GPHN: variants seen among roughly 807,000 people sequenced by gnomAD.
GPHN encodes gephyrin.
A neutral mutation model predicts 95.5 loss-of-function variants in GPHN; 17 were observed. The ratio of observed to expected loss-of-function variants is 0.18; its 90% CI spans 0.12 to 0.27. GPHN has a LOEUF of 0.27. GPHN is among the 10% of genes least tolerant of loss of function. The pLI is 1.00. For synonymous variants in GPHN, 320 were observed against 322.5 expected, an observed-to-expected ratio of 0.99 and a Z score of 0.08; for missense variants, 660 against 978.1, an observed-to-expected ratio of 0.67 and a Z score of 4.34.
the GPHN span, among the ~76,000 whole-genome samples, chr14:67,707,126 C>T: frequency 2.0e-5 from 3 of 151,930 alleles, no homozygotes; most frequent in Admixed American, 1.3e-4. Context: ...CAGAGCTTTA[C>T]GAAAGCACAA....
the GPHN span, among the ~76,000 whole-genome samples, chr14:67,538,503 ATTTT>A: frequency 1.3e-5 from 2 of 152,206 alleles, no homozygotes; most frequent in Non-Finnish European, 2.9e-5. Flanking sequence ...ATCCTTGTGC[ATTTT>A]TATGGGAGGT....
At chr14:67,242,702 A>G in the GPHN span, among the ~76,000 whole-genome samples, 1 of 151,974 alleles carries the variant, frequency 6.6e-6, no homozygotes, top group African/African-American at 2.4e-5. Context: ...TTGCGGCAGG[A>G]TGAGCTATTA....
chr14:66,672,038 TATTA>T (rs2066328513), intron 1 of GPHN, among the ~76,000 whole-genome samples: 1 of 152,126 alleles, frequency 6.6e-6, no homozygotes, highest in Non-Finnish European at 1.5e-5. Flanking sequence ...AGGCTTAGAT[TATTA>T]ATTTTAAATC....
intron 1 of GPHN, among the ~76,000 whole-genome samples, chr14:66,586,890 A>G (rs1180642898): frequency 6.6e-6 from 1 of 152,226 alleles, no homozygotes; most frequent in African/African-American, 2.4e-5. Flanking sequence ...TAGCAAAGAA[A>G]AAAACAAAGG....
chr14:66,972,963 A>T (rs2069922073), intron 9 of GPHN, among the ~76,000 whole-genome samples: 1 of 152,178 alleles, frequency 6.6e-6, no homozygotes, highest in South Asian at 2.1e-4. Flanking sequence ...AAAAAGGCAA[A>T]TAATGTCTGA....
At chr14:66,670,146 G>A (rs1358573791) in intron 1 of GPHN, among the ~76,000 whole-genome samples, 1 of 152,118 alleles carries the variant, frequency 6.6e-6, no homozygotes, top group East Asian at 1.9e-4. Context: ...TGGGAGTCGG[G>A]TTTTTTACTT....
chr14:66,996,089 G>T, intron 9 of GPHN: 1 of 821,826 alleles, frequency 1.2e-6, no homozygotes, highest in South Asian at 1.4e-5. Context: ...AAGTGTGTTG[G>T]TGATGGAGCC....
the GPHN span, among the ~76,000 whole-genome samples, chr14:67,331,235 G>A: frequency 5.3e-5 from 8 of 152,048 alleles, no homozygotes; most frequent in Non-Finnish European, 8.8e-5. Flanking sequence ...AATAGAGACG[G>A]GGTTTTGCCC....
chr14:67,519,274 A>T, the GPHN span, among the ~76,000 whole-genome samples: 1 of 152,354 alleles, frequency 6.6e-6, no homozygotes, highest in South Asian at 2.1e-4. Flanking sequence ...AAGAAATTTC[A>T]TTGGAAAAGA....
At chr14:66,674,255 C>T (rs994508664) in intron 1 of GPHN, among the ~76,000 whole-genome samples, 3 of 151,918 alleles carry the variant, frequency 2.0e-5, no homozygotes, top group Admixed American at 6.6e-5. Flanking sequence ...CCCACCACCA[C>T]TCCTGGCTAA....
intron 3 of GPHN, among the ~76,000 whole-genome samples, chr14:66,793,096 T>TAA (rs1411520435): frequency 6.6e-6 from 1 of 152,262 alleles, no homozygotes; most frequent in African/African-American, 2.4e-5. Context: ...GCGTGGGCCT[T>TAA]ACAGCCATCA....
chr14:66,843,962 T>C (rs1235117940), intron 4 of GPHN, among the ~76,000 whole-genome samples: 1 of 152,102 alleles, frequency 6.6e-6, no homozygotes, highest in East Asian at 1.9e-4. Flanking sequence ...TTATTATTCC[T>C]AAATTTTCCA....
chr14:66,765,880 A>G (rs542082518), intron 2 of GPHN, among the ~76,000 whole-genome samples: 1 of 152,298 alleles, frequency 6.6e-6, no homozygotes, highest in Non-Finnish European at 1.5e-5. Flanking sequence ...GCTGATATGT[A>G]CTAGTTCTTC....
chr14:67,433,129 G>A, the GPHN span, among the ~76,000 whole-genome samples: 1 of 152,120 alleles, frequency 6.6e-6, no homozygotes, highest in Non-Finnish European at 1.5e-5. Flanking sequence ...TCCCAACCCA[G>A]GAAGTTGATG....
At chr14:66,645,492 GC>G (rs1397669881) in intron 1 of GPHN, among the ~76,000 whole-genome samples, 2 of 151,812 alleles carry the variant, frequency 1.3e-5, no homozygotes, top group African/African-American at 4.8e-5. Flanking sequence ...TTCAAGACCA[GC>G]CTGGCCAACA....
In GPHN at chr14:66,533,786, G is replaced by A. The variant is rs7156246; in HGVS notation, c.64+25195G>A. On this transcript the variant is annotated intron_variant, in intron 1 of 22. Transcript: ENST00000478722. ...CATCTTAAATTGGAATTACAGGAGT[G>A]AACACAGTTTTGTTACAGTTACGCC... is the stretch of plus-strand genomic sequence containing the variant. Among the ~76,000 whole-genome samples the A allele has an allele frequency of 1.0e-2, 1,517 of 152,256 alleles. 13 individuals carry two copies. The highest frequency in any genetic ancestry group is 0.017 in the Admixed American group (258 of 15,286).
At chr14:67,678,723 C>CTAAGGATATA in the GPHN span, among the ~76,000 whole-genome samples, 1 of 152,100 alleles carries the variant, frequency 6.6e-6, no homozygotes, top group Non-Finnish European at 1.5e-5. Flanking sequence ...CTGCCTGACA[C>CTAAGGATATA]CCATGTATAT....
At chr14:66,763,303 A>G (rs1374626533) in intron 2 of GPHN, among the ~76,000 whole-genome samples, 1 of 147,554 alleles carries the variant, frequency 6.8e-6, no homozygotes, top group Middle Eastern at 3.5e-3. Flanking sequence ...GGTTAGTTAC[A>G]TATGTATACA....
the GPHN span, among the ~76,000 whole-genome samples, chr14:67,266,598 T>G: frequency 1.3e-5 from 2 of 151,696 alleles, no homozygotes; most frequent in East Asian, 3.9e-4. Context: ...AGTGTTGGGA[T>G]TACAGGCATG....
Sources: gnomAD v4.1 joint callset for allele counts (sites outside exome capture counted in the v4.1 genomes callset) on GRCh38, gnomAD v4.1.1 for gene constraint, MANE v1.5 for transcripts, NCBI Gene and HGNC (gene_info 2026-07-23, HGNC 2026-07-21) for gene names.